Variants in STK32B observed in about 807,000 individuals in gnomAD.
STK32B encodes the protein serine/threonine kinase 32B, also known as serine/threonine-protein kinase 32B.
STK32B carries 43 observed loss-of-function variants against 52.6 expected under a neutral mutation model. The ratio of observed to expected loss-of-function variants is 0.82; its 90% CI spans 0.64 to 1.05. The LOEUF (loss-of-function observed/expected upper bound fraction) is 1.05, where lower values mean the gene tolerates loss of function less well. STK32B is among the 50% of genes least tolerant of loss of function. The pLI is 0.00. For missense variants in STK32B, 621 were observed against 534.6 expected (o/e 1.16, Z -1.59); for synonymous variants, 238 against 204.3 (o/e 1.17, Z -1.41).
chr4:5,277,505 T>C (rs1312543559), intron 3 of STK32B, among the ~76,000 whole-genome samples: 1 of 152,236 alleles, frequency 6.6e-6, no homozygotes, highest in Non-Finnish European at 1.5e-5. Context: ...TTGAAGTGTC[T>C]GATTCTTTGT....
intron 3 of STK32B, among the ~76,000 whole-genome samples, chr4:5,304,201 C>A (rs1302277301): frequency 1.3e-5 from 2 of 151,956 alleles, no homozygotes; most frequent in Admixed American, 1.3e-4. Context: ...ATTGTTTTCT[C>A]TAGCTCTCTG....
chr4:5,355,696 A>G (rs1023434277), intron 4 of STK32B, among the ~76,000 whole-genome samples: 5 of 152,144 alleles, frequency 3.3e-5, no homozygotes, highest in Non-Finnish European at 7.3e-5. Context: ...AGTTGTGATA[A>G]TCAAAAATAT....
At position 5,141,077 on chromosome 4, in the gene STK32B, T is replaced by G. The variant is rs147228744; in HGVS notation, c.108+1117T>G. Reference sequence around the variant, plus strand: ...CAATAGGGTAGCCACTAACCACATGTGGATATTTAAATTTGAATTAATTAA... The same window carrying G: ...CAATAGGGTAGCCACTAACCACATGGGGATATTTAAATTTGAATTAATTAA... On this transcript the variant is annotated intron_variant, in intron 2 of 11. Transcript: ENST00000282908. Among the ~76,000 whole-genome samples the G allele has an allele frequency of 1.1e-4, 16 of 152,286 alleles. No individual in the cohort carries two copies. The East Asian group carries it at 2.3e-3, about 22-fold the overall frequency.
chr4:5,408,617 C>A (rs1255002781), intron 5 of STK32B, among the ~76,000 whole-genome samples: 1 of 152,124 alleles, frequency 6.6e-6, no homozygotes, highest in African/African-American at 2.4e-5. Flanking sequence ...AAGTGAAGGA[C>A]AATCCTTCCC....
At position 5,421,613 on chromosome 4, in the gene STK32B, T is replaced by TACTGGGG. The variant is rs1219055756; in HGVS notation, c.562+4679_562+4680insACTGGGG. On this transcript the variant is annotated intron_variant, in intron 6 of 11. Coordinates refer to ENST00000282908, the MANE Select transcript of STK32B (RefSeq NM_018401.3). Reference sequence around the variant, plus strand: ...GACTCACTCGAGCCTCCTCAAAGGCTCTACTGGGGCTTCCTGACCTTGCTC... The same window carrying TACTGGGG: ...GACTCACTCGAGCCTCCTCAAAGGCTACTGGGGCTACTGGGGCTTCCTGACCTTGCTC... 1.3e-3 allele frequency among the ~76,000 whole-genome samples: 203 copies of TACTGGGG among 152,294 alleles called. 1 individual carries two copies. The highest frequency in any genetic ancestry group is 4.5e-3 in the African/African-American group (187 of 41,574).
intron 1 of STK32B, among the ~76,000 whole-genome samples, chr4:5,137,084 T>C (rs964098731): frequency 2.0e-4 from 31 of 152,210 alleles, no homozygotes; most frequent in Admixed American, 2.0e-3. Flanking sequence ...TATTCAGTAA[T>C]TAACACCTCC....
intron 3 of STK32B, among the ~76,000 whole-genome samples, chr4:5,175,253 C>T (rs145006886): frequency 1.7e-4 from 26 of 152,206 alleles, no homozygotes; most frequent in Middle Eastern, 3.4e-3. Flanking sequence ...TTCAAACTTC[C>T]ACCTTCAGCT....
chr4:5,089,888 C>CAAAA (rs1560145717), intron 1 of STK32B, among the ~76,000 whole-genome samples: 1 of 152,166 alleles, frequency 6.6e-6, no homozygotes, highest in East Asian at 1.9e-4. Flanking sequence ...TGTTTCCTGA[C>CAAAA]TTTTTAATAA....
chr4:5,234,884 T>C (rs928217567), intron 3 of STK32B, among the ~76,000 whole-genome samples: 1 of 152,246 alleles, frequency 6.6e-6, no homozygotes, highest in Non-Finnish European at 1.5e-5. Context: ...TTTGAAATAA[T>C]TTAGAAATAC....
chr4:5,113,396 T>A (rs1348844988), intron 1 of STK32B, among the ~76,000 whole-genome samples: 1 of 152,194 alleles, frequency 6.6e-6, no homozygotes, highest in African/African-American at 2.4e-5. Flanking sequence ...GATATTTTGT[T>A]ATAGCAGTGC....
At chr4:5,071,374 T>C (rs77959885) in intron 1 of STK32B, among the ~76,000 whole-genome samples, 3,138 of 152,282 alleles carry the variant, frequency 0.021, 125 homozygotes, top group African/African-American at 0.07. Flanking sequence ...CTACAGATGC[T>C]TTACAAACCT....
rs1405007541 is a variant in STK32B at position 5,227,653 on chromosome 4, G to A, written c.260+59203G>A. 3.9e-5 allele frequency among the ~76,000 whole-genome samples: 6 copies of A among 152,320 alleles called. No individual in the cohort carries two copies. In the East Asian group the frequency reaches 7.7e-4, roughly 20 times the overall value. On this transcript the variant is annotated intron_variant, in intron 3 of 11. Transcript: ENST00000282908. ...CATTCTGTGAAGTAAAAATGAGGTA[G>A]CATGCAAAATGTGTCTAGTCCAGCT...
intron 11 of STK32B, among the ~76,000 whole-genome samples, chr4:5,488,559 C>T (rs1310453739): frequency 6.6e-6 from 1 of 152,058 alleles, no homozygotes; most frequent in Non-Finnish European, 1.5e-5. Flanking sequence ...ACATTACTTT[C>T]ATAAATTTCC....
At chr4:5,199,827 C>T (rs1253212429) in intron 3 of STK32B, among the ~76,000 whole-genome samples, 5 of 151,978 alleles carry the variant, frequency 3.3e-5, no homozygotes, top group Non-Finnish European at 5.9e-5. Context: ...TCTGTGAAGC[C>T]TTCCCCACTC....
intron 3 of STK32B, among the ~76,000 whole-genome samples, chr4:5,213,545 A>G (rs553309887): frequency 2.0e-5 from 3 of 152,346 alleles, no homozygotes; most frequent in Non-Finnish European, 2.9e-5. Flanking sequence ...TATCACGTTT[A>G]TTACTGGTGA....
At chr4:5,139,869 A>C (rs751271918) in intron 1 of STK32B, 36 bp from the exon 2 acceptor site, 5 of 1,613,934 alleles carry the variant, frequency 3.1e-6, no homozygotes, top group Non-Finnish European at 4.2e-6. Context: ...AGGTTTAGCA[A>C]ATCTGACTTG....
rs1220451975 is a variant in STK32B at position 5,398,317 on chromosome 4, G to A, written c.472+73G>A. ...AGGCACTGGGAAATAGTGCGGGGGT[G>A]GGGGTTGGGTCTTGCTGAGTTGGAC... On this transcript the variant is annotated intron_variant, in intron 5 of 11. Coordinates refer to ENST00000282908, the MANE Select transcript of STK32B (RefSeq NM_018401.3). The surrounding 1 kb of genome is among the most constrained non-coding windows in gnomAD (Gnocchi z 4.9). 3.2e-6 allele frequency: 5 copies of A among 1,546,046 alleles called. No individual in the cohort carries two copies. Among genetic ancestry groups the A allele is most frequent in the Non-Finnish European group, 4.5e-6 (5 of 1,123,526 alleles).
intron 8 of STK32B, 144 bp from the exon 9 acceptor site, chr4:5,459,959 C>A (rs778811951): frequency 8.0e-7 from 1 of 1,254,148 alleles, no homozygotes; most frequent in Non-Finnish European, 1.1e-6. Flanking sequence ...GCGCTTCCAA[C>A]AACAGTGACC....
At chr4:5,419,259 T>C (rs919990535) in intron 6 of STK32B, among the ~76,000 whole-genome samples, 34 of 152,246 alleles carry the variant, frequency 2.2e-4, no homozygotes, top group African/African-American at 8.0e-4. Context: ...TGTCAAAATC[T>C]AAGGCAGCTT....
Sources: allele counts gnomAD v4.1 joint callset (sites outside exome capture counted in the v4.1 genomes callset), GRCh38; gene constraint gnomAD v4.1.1; non-coding constraint Gnocchi (gnomAD v3.1); transcripts MANE v1.5; gene names NCBI Gene and HGNC (gene_info 2026-07-23, HGNC 2026-07-21).